PRKAG2: variants seen among roughly 807,000 people sequenced by gnomAD.
PRKAG2 encodes the protein protein kinase AMP-activated non-catalytic subunit gamma 2, also known as 5'-AMP-activated protein kinase subunit gamma-2.
In PRKAG2, 26 loss-of-function variants were observed where a neutral mutation model predicts 69.6. The ratio of observed to expected loss-of-function variants is 0.37; its 90% confidence interval spans 0.27 to 0.52. The LOEUF (loss-of-function observed/expected upper bound fraction) is 0.52. PRKAG2 is among the 20% of genes least tolerant of loss of function. The pLI is 0.90. For synonymous variants in PRKAG2, 293 were observed against 285.0 expected (o/e 1.03, Z -0.28); for missense variants, 557 against 740.0 (o/e 0.75, Z 2.87).
At chr7:151,654,359 T>C in intron 4 of PRKAG2, among the ~76,000 whole-genome samples, 1 of 152,198 alleles carries the variant, frequency 6.6e-6, no homozygotes, top group East Asian at 1.9e-4. Flanking sequence ...CCTTAACTCA[T>C]ATGGCTCACT....
At chr7:151,833,260 C>G (rs1328315301) in intron 1 of PRKAG2, among the ~76,000 whole-genome samples, 2 of 152,138 alleles carry the variant, frequency 1.3e-5, no homozygotes, top group African/African-American at 2.4e-5. Flanking sequence ...CCATTGGAAG[C>G]TGGGACAGAG....
Position 151,876,515 on chromosome 7 carries a change from G to A in PRKAG2, c.106C>T (p.His36Tyr), listed in dbSNP as rs377603922. Residue 36 changes from histidine to tyrosine, a missense_variant, in exon 1 of 16, where the codon CAC (histidine) becomes TAC (tyrosine). Physicochemically the swap from His to Tyr is moderately conservative, Grantham distance 83. Coordinates refer to ENST00000287878, the MANE Select transcript of PRKAG2 (RefSeq NM_016203.4). ...CGAGTGCTGGGACTCACCGGAATGTGCACGCGCAGCGAACGCCTCTTCTGG... is the reference window on the plus strand; with the variant it reads ...CGAGTGCTGGGACTCACCGGAATGTACACGCGCAGCGAACGCCTCTTCTGG... ...ASQKRRSLRV[H>Y]IPDLSSFAMP... 1.2e-5 allele frequency: 20 copies of A among 1,606,234 alleles called. No homozygotes were observed. Among genetic ancestry groups the A allele is most frequent in the Non-Finnish European group, 1.6e-5 (19 of 1,179,576 alleles).
intron 3 of PRKAG2, among the ~76,000 whole-genome samples, chr7:151,757,701 G>C (rs191492239): frequency 3.9e-5 from 6 of 152,162 alleles, no homozygotes; most frequent in Non-Finnish European, 7.3e-5. Context: ...CCTCAAAGGC[G>C]TTCCAGACGC....
rs552320815 is a variant in PRKAG2, at chr7:151,649,636, T to A, written c.685-17498A>T. Among the ~76,000 whole-genome samples the A allele has an allele frequency of 1.5e-4, 23 of 152,294 alleles. 1 individual carries two copies. In the South Asian group the frequency reaches 4.8e-3, roughly 32 times the overall value. On this transcript the variant is annotated intron_variant, in intron 4 of 15. Transcript: ENST00000287878. ...GAATGGTTTAGCACAATCCCCTCAG[T>A]GCTGTCCTCGTGATAGTCAGTGAAT...
chr7:151,827,061 T>A (rs911065411), intron 1 of PRKAG2, among the ~76,000 whole-genome samples: 1 of 152,128 alleles, frequency 6.6e-6, no homozygotes, highest in Non-Finnish European at 1.5e-5. Flanking sequence ...AGATAAGTCA[T>A]ATATTTGGGT....
At chr7:151,626,354 G>A (rs1052968909) in intron 5 of PRKAG2, among the ~76,000 whole-genome samples, 1 of 152,190 alleles carries the variant, frequency 6.6e-6, no homozygotes, top group African/African-American at 2.4e-5. Flanking sequence ...ACTGAAATGT[G>A]TACCTAGACC....
intron 3 of PRKAG2, among the ~76,000 whole-genome samples, chr7:151,739,759 C>A (rs917412152): frequency 1.3e-5 from 2 of 152,126 alleles, no homozygotes; most frequent in Non-Finnish European, 1.5e-5. Context: ...GTGTGAGCCA[C>A]CACACCCGGC....
intron 3 of PRKAG2, among the ~76,000 whole-genome samples, chr7:151,687,662 G>A (rs979014313): frequency 6.6e-6 from 1 of 152,092 alleles, no homozygotes; most frequent in African/African-American, 2.4e-5. Flanking sequence ...GGCTCTGAGA[G>A]GTGAAGTGTG....
intron 5 of PRKAG2, among the ~76,000 whole-genome samples, chr7:151,626,163 T>C (rs1422301135): frequency 6.6e-6 from 1 of 152,176 alleles, no homozygotes; most frequent in Non-Finnish European, 1.5e-5. Flanking sequence ...TTCCAGTTAC[T>C]TGCGAAGACT....
Position 151,632,187 on chromosome 7 carries a change from C to T in PRKAG2, c.685-49G>A, listed in dbSNP as rs1285452604. The T allele has an allele frequency of 1.6e-6, 2 of 1,222,156 alleles. No individual in the cohort carries two copies. The highest frequency in any genetic ancestry group is 3.7e-5 in the East Asian group (1 of 27,004). The allele number at this position is 1,222,156 out of a possible 1,614,324, so 75.7% of individuals were successfully genotyped here. ...GATCAGCATGAGCTGCGACGCTCGT[C>T]CCCGGCCGGCGGGCTCGCGGCCGGC... On this transcript the variant is annotated intron_variant, in intron 4 of 15. Transcript: ENST00000287878. The surrounding 1 kb of genome is among the most constrained non-coding windows in gnomAD (Gnocchi z 4.2).
At chr7:151,806,961 C>A (rs1355255282) in intron 1 of PRKAG2, 1 of 452,606 alleles carries the variant, frequency 2.2e-6, no homozygotes, top group Non-Finnish European at 4.4e-6. Context: ...AAAAGCCAGG[C>A]CTCCTAATGT....
intron 3 of PRKAG2, among the ~76,000 whole-genome samples, chr7:151,724,443 C>T (rs1343177547): frequency 6.6e-6 from 1 of 152,122 alleles, no homozygotes; most frequent in Non-Finnish European, 1.5e-5. Flanking sequence ...CCGTCCTCCC[C>T]TCCTGAGGAA....
chr7:151,693,686 C>T (rs889269231), intron 3 of PRKAG2, among the ~76,000 whole-genome samples: 1 of 152,274 alleles, frequency 6.6e-6, no homozygotes, highest in Non-Finnish European at 1.5e-5. Flanking sequence ...TGTTAGGAGG[C>T]CGGGCCTTGG....
intron 3 of PRKAG2, among the ~76,000 whole-genome samples, chr7:151,767,918 C>T (rs1415155446): frequency 6.6e-6 from 1 of 152,190 alleles, no homozygotes; most frequent in African/African-American, 2.4e-5. Flanking sequence ...CCACAGCCTC[C>T]TTTTTCTCTC....
At chr7:151,747,434 G>A in intron 3 of PRKAG2, among the ~76,000 whole-genome samples, 1 of 152,108 alleles carries the variant, frequency 6.6e-6, no homozygotes, top group East Asian at 1.9e-4. Context: ...GCGGGCGCCT[G>A]TAATCCCAGT....
At chr7:151,698,062 C>G (rs949235957) in intron 3 of PRKAG2, among the ~76,000 whole-genome samples, 1 of 152,210 alleles carries the variant, frequency 6.6e-6, no homozygotes, top group African/African-American at 2.4e-5. Flanking sequence ...GGTCTCACTT[C>G]TGAGTTCGCC....
intron 1 of PRKAG2, among the ~76,000 whole-genome samples, chr7:151,821,271 A>G (rs2078772770): frequency 6.6e-6 from 1 of 152,232 alleles, no homozygotes. Context: ...AAGGCCCCAG[A>G]GCATCCTCCT....
intron 14 of PRKAG2, among the ~76,000 whole-genome samples, chr7:151,562,427 A>G (rs186820911): frequency 6.6e-6 from 1 of 151,136 alleles, no homozygotes; most frequent in East Asian, 2.0e-4. Context: ...CTCAAATAAT[A>G]CTGTTTGGGT....
intron 3 of PRKAG2, among the ~76,000 whole-genome samples, chr7:151,721,389 G>GGGCCGGGGCCAC (rs1247766873): frequency 1.7e-3 from 221 of 133,630 alleles, no homozygotes; most frequent in African/African-American, 6.3e-3. Context: ...GCCAGGGCCA[G>GGGCCGGGGCCAC]GGCCGGGGCC....
Sources: gnomAD v4.1 joint callset for allele counts (sites outside exome capture counted in the v4.1 genomes callset) on GRCh38, gnomAD v4.1.1 for gene constraint, Gnocchi (gnomAD v3.1) non-coding constraint, MANE v1.5 for transcripts, NCBI Gene and HGNC (gene_info 2026-07-23, HGNC 2026-07-21) for gene names.